The following RPS6KA5 variants were observed in gnomAD, a reference collection of about 807,000 sequenced individuals.
RPS6KA5 encodes the protein ribosomal protein S6 kinase alpha-5.
In RPS6KA5, 27 loss-of-function variants were observed where a neutral mutation model predicts 85.5. That is an observed-to-expected ratio of 0.32 (90% CI 0.23 to 0.44). The LOEUF is 0.44. RPS6KA5 is among the 20% of genes least tolerant of loss of function. RPS6KA5 has a pLI of 1.00. For missense variants in RPS6KA5, 811 were observed against 980.9 expected, an observed-to-expected ratio of 0.83 and a Z score of 2.31; for synonymous variants, 334 against 348.2, an observed-to-expected ratio of 0.96 and a Z score of 0.46.
At chr14:90,989,592 A>G (rs1236315900) in intron 2 of RPS6KA5, among the ~76,000 whole-genome samples, 1 of 152,200 alleles carries the variant, frequency 6.6e-6, no homozygotes, top group Non-Finnish European at 1.5e-5. Flanking sequence ...AGGTACATTT[A>G]AACATTTTCT....
chr14:90,880,743 C>T (rs1357806450), intron 14 of RPS6KA5, among the ~76,000 whole-genome samples: 1 of 151,662 alleles, frequency 6.6e-6, no homozygotes, highest in Non-Finnish European at 1.5e-5. Flanking sequence ...ATTAGGTGTA[C>T]AAGTGTTTGT....
intron 15 of RPS6KA5, 78 bp from the exon 16 acceptor site, chr14:90,873,873 G>C: frequency 7.9e-7 from 1 of 1,273,226 alleles, no homozygotes; most frequent in South Asian, 1.3e-5. Flanking sequence ...ATAAATCTCA[G>C]CTATGTTCAC....
chr14:90,906,345 A>C (rs1423096089), intron 7 of RPS6KA5, 46 bp from the exon 8 acceptor site: 1 of 1,456,054 alleles, frequency 6.9e-7, no homozygotes. Flanking sequence ...GGATGACAAA[A>C]AAAAAAAAAA....
chr14:90,893,329 G>T (rs1019152663), intron 13 of RPS6KA5, among the ~76,000 whole-genome samples: 6 of 152,146 alleles, frequency 3.9e-5, no homozygotes, highest in Admixed American at 2.0e-4. Flanking sequence ...TAATAAAACA[G>T]AATTTACTTT....
chr14:91,023,235 T>A (rs2041859695), intron 1 of RPS6KA5, among the ~76,000 whole-genome samples: 1 of 152,062 alleles, frequency 6.6e-6, no homozygotes, highest in Non-Finnish European at 1.5e-5. Flanking sequence ...GTCTAGTAGA[T>A]CCTCAGGGAG....
At chr14:91,007,131 C>T (rs567003441) in intron 1 of RPS6KA5, among the ~76,000 whole-genome samples, 1 of 152,184 alleles carries the variant, frequency 6.6e-6, no homozygotes, top group Non-Finnish European at 1.5e-5. Flanking sequence ...CCTGGGAGAG[C>T]AGAGTTTGGG....
intron 3 of RPS6KA5, among the ~76,000 whole-genome samples, chr14:90,964,743 G>T (rs922801813): frequency 1.3e-5 from 2 of 151,634 alleles, no homozygotes; most frequent in African/African-American, 4.8e-5. Flanking sequence ...GTGAGGCTCT[G>T]ACTTTGCAAA....
At chr14:90,982,385 C>A (rs1413342673) in intron 2 of RPS6KA5, among the ~76,000 whole-genome samples, 1 of 151,868 alleles carries the variant, frequency 6.6e-6, no homozygotes, top group Non-Finnish European at 1.5e-5. Flanking sequence ...TCACTTGAGG[C>A]TAGAAGTTTG....
chr14:90,874,920 G>A (rs1423797858), intron 15 of RPS6KA5, among the ~76,000 whole-genome samples: 1 of 152,148 alleles, frequency 6.6e-6, no homozygotes, highest in African/African-American at 2.4e-5. Context: ...GAGGAGGAGC[G>A]TGTTTGGGGG....
At chr14:91,041,590 A>G (rs2042607487) in intron 1 of RPS6KA5, among the ~76,000 whole-genome samples, 1 of 152,244 alleles carries the variant, frequency 6.6e-6, no homozygotes. Flanking sequence ...TCTAGGGCAT[A>G]CATAAGAACT....
At chr14:91,035,847 C>CAAAAAAAAA (rs199625173) in intron 1 of RPS6KA5, among the ~76,000 whole-genome samples, 29 of 69,900 alleles carry the variant, frequency 4.1e-4, no homozygotes, top group African/African-American at 5.4e-4. Context: ...CCCTCACCTT[C>CAAAAAAAAA]AAAAAAAAAA....
chr14:90,849,837 T>G lies in RPS6KA5; in HGVS notation c.*22237A>C, dbSNP rs1478978135. 2 of 152,260 alleles carry G rather than the reference T, an allele frequency of 1.3e-5. No individual in the cohort carries two copies. The highest frequency in any genetic ancestry group is 2.4e-5 in the African/African-American group (1 of 41,448). 9.4% of individuals were successfully genotyped at this position (152,260 alleles called of 1,614,324 possible). ...TGATGCTAGATGATGTCCTCAAACC[T>G]GACGTAGTAAAGGAAAATCAACACA... On this transcript the variant is annotated 3_prime_UTR_variant, in exon 17 of 17. Transcript: ENST00000614987.
intron 5 of RPS6KA5, among the ~76,000 whole-genome samples, chr14:90,937,563 A>G (rs958421119): frequency 6.6e-6 from 1 of 152,190 alleles, no homozygotes; most frequent in African/African-American, 2.4e-5. Context: ...CCATTCTCAC[A>G]CTGCTGATAA....
chr14:90,941,478 C>G (rs1410584346), intron 5 of RPS6KA5, among the ~76,000 whole-genome samples: 1 of 152,194 alleles, frequency 6.6e-6, no homozygotes, highest in African/African-American at 2.4e-5. Flanking sequence ...TTTCACCATA[C>G]CTGTCATTTT....
At chr14:90,989,710 C>T (rs2040222879) in intron 2 of RPS6KA5, among the ~76,000 whole-genome samples, 2 of 151,910 alleles carry the variant, frequency 1.3e-5, no homozygotes, top group African/African-American at 4.8e-5. Flanking sequence ...CCAAAATAAC[C>T]CAAAATTTCA....
chr14:91,016,496 T>G lies in RPS6KA5; in HGVS notation c.104-15337A>C, dbSNP rs574853390. Among the ~76,000 whole-genome samples the G allele has an allele frequency of 9.8e-5, 15 of 152,334 alleles. No individual in the cohort carries two copies. In the East Asian group the frequency reaches 2.9e-3, roughly 29 times the overall value. ...CATTCTGTCATATTTTTCTATCTTA[T>G]TAATACACTCATACATACTACATAC... is the stretch of plus-strand genomic sequence containing the variant. On this transcript the variant is annotated intron_variant, in intron 1 of 16. Transcript: ENST00000614987.
intron 4 of RPS6KA5, among the ~76,000 whole-genome samples, chr14:90,943,909 G>C (rs2037728489): frequency 6.6e-6 from 1 of 152,118 alleles, no homozygotes. Context: ...CTGGAGTGCA[G>C]TGGCGTGGTC....
rs1015981207 is a variant in RPS6KA5 at position 90,854,887 on chromosome 14, C to G, written c.*17187G>C. ...TACCATTCAAAACATATAAAAAGCA[C>G]TGACTTTATTGTACTGCAATATAAA... is the stretch of plus-strand genomic sequence containing the variant. On this transcript the variant is annotated 3_prime_UTR_variant, in exon 17 of 17. Transcript: ENST00000614987. 1 of 152,162 alleles carries G rather than the reference C, an allele frequency of 6.6e-6. No homozygotes were observed. Among genetic ancestry groups the G allele is most frequent in the African/African-American group, 2.4e-5 (1 of 41,448 alleles). The allele number at this position is 152,162 out of a possible 1,614,324, so 9.4% of individuals were successfully genotyped here.
chr14:91,002,460 A>G (rs2040831992), intron 1 of RPS6KA5, among the ~76,000 whole-genome samples: 1 of 152,130 alleles, frequency 6.6e-6, no homozygotes, highest in African/African-American at 2.4e-5. Flanking sequence ...GGATTAAATG[A>G]ATCAAATTTA....
Sources: gnomAD v4.1 joint callset for allele counts (sites outside exome capture counted in the v4.1 genomes callset) on GRCh38, gnomAD v4.1.1 for gene constraint, MANE v1.5 for transcripts, NCBI Gene and HGNC (gene_info 2026-07-23, HGNC 2026-07-21) for gene names.